The following CNIH2 variants were observed in gnomAD, a reference collection of about 807,000 sequenced individuals.
CNIH2 encodes cornichon family AMPA receptor auxiliary protein 2.
Under a neutral mutation model 22.9 loss-of-function variants are expected in CNIH2, and 8 were observed. The observed-to-expected ratio is 0.35, with a 90% CI of 0.20 to 0.63. The LOEUF (loss-of-function observed/expected upper bound fraction) is 0.63, where lower values mean the gene tolerates loss of function less well. Among genes scored for constraint, CNIH2 ranks in the 30% least tolerant of loss-of-function variants. The pLI is 0.72. For synonymous variants in CNIH2, 74 were observed against 78.2 expected (o/e 0.95, Z 0.28); for missense variants, 105 against 206.2 (o/e 0.51, Z 3.01).
chr11:66,278,925 C>G (rs1266135747), intron 1 of CNIH2, among the ~76,000 whole-genome samples: 10 of 108,970 alleles, frequency 9.2e-5, no homozygotes, highest in African/African-American at 2.0e-4. Flanking sequence ...GCCCCCCCCC[C>G]CCCGCCTTTG....
In CNIH2 at chr11:66,283,902, T is replaced by A. The variant is rs765305885; in HGVS notation, c.*305T>A. 2.7e-6 allele frequency: 1 copy of A among 365,168 alleles called. No homozygotes were observed. The highest frequency in any genetic ancestry group is 4.3e-5 in the Admixed American group (1 of 23,494). The allele number at this position is 365,168 out of a possible 1,614,324, so 22.6% of individuals were successfully genotyped here. On this transcript the variant is annotated 3_prime_UTR_variant, in exon 6 of 6. Coordinates refer to ENST00000311445, the MANE Select transcript of CNIH2 (RefSeq NM_182553.3). ...CGGCCTTGTCCATTTCGGGGGAAAC[T>A]TGGGCCCTGCCAAGGGGCAGAGCTT...
In CNIH2 at chr11:66,278,364, T is replaced by A; in HGVS notation, c.-93T>A. On this transcript the variant is annotated 5_prime_UTR_variant, in exon 1 of 6. It removes an upstream start codon present in the reference 5' UTR. Coordinates refer to ENST00000311445, the MANE Select transcript of CNIH2 (RefSeq NM_182553.3). ...CACGTCCCCCGAGCCCCACGGGCCA[T>A]GCCCGGCCGGCCCTAAGCGCGGGCC... is the stretch of plus-strand genomic sequence containing the variant. 2.6e-6 allele frequency: 1 copy of A among 377,534 alleles called. No homozygotes were observed. Among genetic ancestry groups the A allele is most frequent in the Non-Finnish European group, 3.6e-6 (1 of 275,748 alleles). The allele number at this position is 377,534 out of a possible 1,614,324, so 23.4% of individuals were successfully genotyped here. A position where few individuals can be genotyped will look rare whatever the true frequency, so the allele number is the denominator to read the frequency against.
Position 66,282,820 on chromosome 11 carries a change from C to G in CNIH2, c.198+40C>G. 5 of 1,587,506 alleles carry G rather than the reference C, an allele frequency of 3.1e-6. No individual in the cohort carries two copies. The Middle Eastern group carries it at 8.3e-4, about 264-fold the overall frequency. On this transcript the variant is annotated intron_variant, in intron 3 of 5. Coordinates refer to ENST00000311445, the MANE Select transcript of CNIH2 (RefSeq NM_182553.3). ...TGGGGGCAGGAGGCTCCTAGCCCAG[C>G]GCTGCCCCCACTGTCTGTGGCCCAG...
intron 2 of CNIH2, 102 bp downstream of exon 2, chr11:66,282,429 G>GGGGTTGGGGGGGGGGGGGGGGGGGGC: frequency 2.1e-6 from 1 of 479,464 alleles, no homozygotes. Flanking sequence ...GGGGTGGGGG[G>GGGGTTGGGGGGGGGGGGGGGGGGGGC]CCTACGGCCA....
intron 1 of CNIH2, among the ~76,000 whole-genome samples, chr11:66,279,257 G>A (rs1048908987): frequency 4.6e-5 from 7 of 151,752 alleles, no homozygotes; most frequent in African/African-American, 1.7e-4. Flanking sequence ...CCTCACACCT[G>A]GTTCTTCAAA....
intron 1 of CNIH2, 74 bp from the exon 2 acceptor site, chr11:66,282,185 T>C: frequency 7.5e-7 from 1 of 1,335,084 alleles, no homozygotes; most frequent in South Asian, 1.2e-5. Context: ...TTCAGTAAAC[T>C]ATCCCACAGA....
intron 1 of CNIH2, among the ~76,000 whole-genome samples, chr11:66,281,168 C>T (rs1364600444): frequency 6.6e-6 from 1 of 152,176 alleles, no homozygotes; most frequent in African/African-American, 2.4e-5. Context: ...CTCACTCAGA[C>T]CACCATCAGC....
At chr11:66,283,495 C>T (rs1326823227) in intron 5 of CNIH2, 75 bp from the exon 6 acceptor site, 3 of 1,608,070 alleles carry the variant, frequency 1.9e-6, no homozygotes, top group Admixed American at 1.7e-5. Flanking sequence ...TGAGGGCAGC[C>T]CAGGGTGTGA....
intron 1 of CNIH2, chr11:66,281,536 G>C (rs1211164937): frequency 2.2e-6 from 1 of 451,842 alleles, no homozygotes; most frequent in East Asian, 7.0e-5. Flanking sequence ...CTGCTGCTGT[G>C]TACTCTTCAA....
intron 2 of CNIH2, 102 bp downstream of exon 2, chr11:66,282,429 G>GTC: frequency 2.1e-6 from 1 of 479,466 alleles, no homozygotes. Context: ...GGGGTGGGGG[G>GTC]CCTACGGCCA....
intron 5 of CNIH2, 51 bp downstream of exon 5, chr11:66,283,442 T>A: frequency 6.2e-7 from 1 of 1,612,212 alleles, no homozygotes; most frequent in East Asian, 2.2e-5. Flanking sequence ...TGTCCCAGCA[T>A]CACGCTTCCA....
chr11:66,279,907 C>T (rs1448973331), intron 1 of CNIH2, among the ~76,000 whole-genome samples: 3 of 152,196 alleles, frequency 2.0e-5, no homozygotes, highest in Admixed American at 6.5e-5. Context: ...CTCTCCCCCG[C>T]ACCCCGAGTT....
chr11:66,283,223 A>T (rs1253494490), intron 4 of CNIH2, 25 bp from the exon 5 acceptor site: 2 of 1,613,652 alleles, frequency 1.2e-6, no homozygotes, highest in Admixed American at 3.3e-5. Context: ...CTGATGGCAG[A>T]CACTCAGGCC....
chr11:66,282,887 A>G, intron 3 of CNIH2, 107 bp downstream of exon 3: 3 of 1,429,174 alleles, frequency 2.1e-6, no homozygotes, highest in East Asian at 4.7e-5. Flanking sequence ...GATCCACTCT[A>G]CTTGGGAGGG....
chr11:66,282,225 C>A (rs751532644), intron 1 of CNIH2, 34 bp from the exon 2 acceptor site: 2 of 1,588,408 alleles, frequency 1.3e-6, no homozygotes, highest in Admixed American at 1.7e-5. Flanking sequence ...TAAGCTGCTG[C>A]CCCAACCCTG....
At chr11:66,281,451 AGT>A in intron 1 of CNIH2, 1 of 456,282 alleles carries the variant, frequency 2.2e-6, no homozygotes, top group Non-Finnish European at 4.4e-6. Flanking sequence ...TGTGACTGTC[AGT>A]GAGCTCGGAT....
Position 66,283,749 on chromosome 11 carries a change from C to T in CNIH2, c.*152C>T, listed in dbSNP as rs938922575. On this transcript the variant is annotated 3_prime_UTR_variant, in exon 6 of 6. Coordinates refer to ENST00000311445, the MANE Select transcript of CNIH2 (RefSeq NM_182553.3). The stretch of plus-strand genomic sequence containing the variant: ...ACCCCCAAACTGCTGCTGCGGGGAA[C>T]CCCCCCCACCCCGCCTTCAGAGCCC... 5 of 733,378 alleles carry T rather than the reference C, an allele frequency of 6.8e-6. No individual in the cohort carries two copies. Among genetic ancestry groups the T allele is most frequent in the Non-Finnish European group, 1.1e-5 (5 of 459,150 alleles). The allele number at this position is 733,378 out of a possible 1,614,324, so 45.4% of individuals were successfully genotyped here.
chr11:66,282,429 G>GGGGGGGGGGGGGGCCC, intron 2 of CNIH2, 102 bp downstream of exon 2: 2 of 479,452 alleles, frequency 4.2e-6, no homozygotes, highest in African/African-American at 2.0e-5. Flanking sequence ...GGGGTGGGGG[G>GGGGGGGGGGGGGGCCC]CCTACGGCCA....
At chr11:66,282,706 A>T (rs1417061587) in intron 2 of CNIH2, 27 bp from the exon 3 acceptor site, 4 of 1,613,504 alleles carry the variant, frequency 2.5e-6, no homozygotes, top group Non-Finnish European at 2.5e-6. Flanking sequence ...CCGCCACCCC[A>T]TCGCGGCCTT....
Sources: gnomAD v4.1 joint callset for allele counts (sites outside exome capture counted in the v4.1 genomes callset) on GRCh38, gnomAD v4.1.1 for gene constraint, MANE v1.5 for transcripts, NCBI Gene and HGNC (gene_info 2026-07-23, HGNC 2026-07-21) for gene names.